The following KRTAP4-12 variants were observed in gnomAD, a reference collection of about 807,000 sequenced individuals.
KRTAP4-12 encodes keratin associated protein 4-12, also known as keratin-associated protein 4-12.
In KRTAP4-12, 1 loss-of-function variant was observed where a neutral mutation model predicts 0.9. The ratio of observed to expected loss-of-function variants is 1.11; its 90% CI spans 0.40 to 5.29. The LOEUF is 5.29. KRTAP4-12 is among the 30% of genes most tolerant of loss of function. The pLI, the probability that KRTAP4-12 is intolerant of heterozygous loss-of-function variation, is 0.16. For missense variants in KRTAP4-12, 240 were observed against 265.6 expected (o/e 0.90, Z 0.67); for synonymous variants, 85 against 94.0 (o/e 0.90, Z 0.55).
In KRTAP4-12 at chr17:41,123,163, A is replaced by C. The variant is rs570034369; in HGVS notation, c.*354T>G. On this transcript the variant is annotated 3_prime_UTR_variant, in exon 1 of 1. Coordinates refer to ENST00000394014, the MANE Select transcript of KRTAP4-12 (RefSeq NM_031854.3). ...CAAGGTACAAAAATGTTTGCAAAAG[A>C]CTTTAAGAGAGAGACTTCACTGGAC... The C allele has an allele frequency of 6.6e-5, 26 of 394,648 alleles. No individual in the cohort carries two copies. The East Asian group carries it at 1.1e-3, about 17-fold the overall frequency. The allele number at this position is 394,648 out of a possible 1,614,324, so 24.4% of individuals were successfully genotyped here.
At position 41,123,557 on chromosome 17, in the gene KRTAP4-12, G is replaced by C. The variant is rs775618535; in HGVS notation, c.566C>G (p.Thr189Ser). The change falls in exon 1 of 1, where the codon ACC (threonine) becomes AGC (serine). Residue 189 changes from threonine to serine, a missense_variant. By Grantham distance (58) the Thr-to-Ser change is moderately conservative. Transcript: ENST00000394014. Reference sequence around the variant, plus strand: ...GGCACAGCACAAGGGGCGGGGGCAGGTGGAGATGACACAGGTTGGGCGATA... The same window carrying C: ...GGCACAGCACAAGGGGCGGGGGCAGCTGGAGATGACACAGGTTGGGCGATA... ...TCYRPTCVIS[T>S]CPRPLCCASS... 1.0e-4 allele frequency: 162 copies of C among 1,613,080 alleles called. No homozygotes were observed. The highest frequency in any genetic ancestry group is 6.2e-4 in the Admixed American group (37 of 59,832).
rs1403341572 is a variant in KRTAP4-12, at chr17:41,123,992, C to G, written c.131G>C (p.Ser44Thr). The change falls in exon 1 of 1, where the codon AGC becomes ACC. Residue 44 changes from serine to threonine, a missense_variant. By Grantham distance (58) the Ser-to-Thr change is moderately conservative. This residue lies in a region of KRTAP4-12 where 110 missense variants were observed against 115.0 expected (regional missense o/e 0.96). Coordinates refer to ENST00000394014, the MANE Select transcript of KRTAP4-12 (RefSeq NM_031854.3). ...TCCRPSCCVS[S>T]CCRPQCCQSV... ...CTGGCAGCACTGGGGCCTGCAGCAG[C>G]TGGACACACAGCAGCTGGGGCGGCA... is the stretch of plus-strand genomic sequence containing the variant. 6.2e-7 allele frequency: 1 copy of G among 1,602,550 alleles called. No homozygotes were observed. Among genetic ancestry groups the G allele is most frequent in the Non-Finnish European group, 8.5e-7 (1 of 1,178,532 alleles).
In KRTAP4-12 at chr17:41,123,195, G is replaced by C. The variant is rs1335632165; in HGVS notation, c.*322C>G. On this transcript the variant is annotated 3_prime_UTR_variant, in exon 1 of 1. Coordinates refer to ENST00000394014, the MANE Select transcript of KRTAP4-12 (RefSeq NM_031854.3). ...GAGAGAGACTTCACTGGACTTCAAGGTTGGAGGCTTTAAGATCTGTGGCCC... is the reference window on the plus strand; with the variant it reads ...GAGAGAGACTTCACTGGACTTCAAGCTTGGAGGCTTTAAGATCTGTGGCCC... The C allele has an allele frequency of 4.0e-6, 2 of 502,526 alleles. No homozygotes were observed. Among genetic ancestry groups the C allele is most frequent in the Admixed American group, 7.6e-5 (2 of 26,410 alleles). 31.1% of individuals were successfully genotyped at this position (502,526 alleles called of 1,614,324 possible). A position where few individuals can be genotyped will look rare whatever the true frequency, so the allele number is the denominator to read the frequency against.
Position 41,123,754 on chromosome 17 carries a change from G to A in KRTAP4-12, c.369C>T (p.Ser123=), listed in dbSNP as rs2014450614. ...TTCCRPSCCV[S]SCCRPQCCQS... ...GGCAGCACTGGGGTCTGCAGCAGCT[G>A]GACACACAGCAGCTGGGGCGGCAGC... The change falls in exon 1 of 1, where the codon TCC becomes TCT. Residue 123 remains serine (S), a synonymous_variant. Transcript: ENST00000394014. 1 of 1,612,122 alleles carries A rather than the reference G, an allele frequency of 6.2e-7. No homozygotes were observed. The highest frequency in any genetic ancestry group is 8.5e-7 in the Non-Finnish European group (1 of 1,179,356).
chr17:41,123,335 A>T lies in KRTAP4-12; in HGVS notation c.*182T>A. 1 of 1,218,970 alleles carries T rather than the reference A, an allele frequency of 8.2e-7. No homozygotes were observed. Among genetic ancestry groups the T allele is most frequent in the Non-Finnish European group, 1.1e-6 (1 of 891,192 alleles). 75.5% of individuals were successfully genotyped at this position (1,218,970 alleles called of 1,614,324 possible). On this transcript the variant is annotated 3_prime_UTR_variant, in exon 1 of 1. Coordinates refer to ENST00000394014, the MANE Select transcript of KRTAP4-12 (RefSeq NM_031854.3). ...TTGTCAATTTATTAGGAGATTGTCA[A>T]TGAATTCCTTTGGAAGGAAGGGAGT...
chr17:41,123,461 A>C lies in KRTAP4-12; in HGVS notation c.*56T>G. ...GAACAGTCCGCATGTTTGCAATGAG[A>C]GCCTTCATCTGTAGGAAAGGACGTA... On this transcript the variant is annotated 3_prime_UTR_variant, in exon 1 of 1. Transcript: ENST00000394014. 6.5e-7 allele frequency: 1 copy of C among 1,542,632 alleles called. No individual in the cohort carries two copies. The highest frequency in any genetic ancestry group is 8.8e-7 in the Non-Finnish European group (1 of 1,142,564).
In KRTAP4-12 at chr17:41,123,924, G is replaced by C. The variant is rs1350999349; in HGVS notation, c.199C>G (p.Gln67Glu). ...CAGGTGGTCCTACAGCAGGTGGTCTGACAGCAGCTGGGGCGGCAGCAGGTG... is the reference window on the plus strand; with the variant it reads ...CAGGTGGTCCTACAGCAGGTGGTCTCACAGCAGCTGGGGCGGCAGCAGGTG... ...QPTCCRPSCC[Q>E]TTCCRTTCCR... The change falls in exon 1 of 1, where the codon CAG becomes GAG. Residue 67 changes from glutamine (Q) to glutamate (E), a missense_variant. This residue lies in a region of KRTAP4-12 where 110 missense variants were observed against 115.0 expected (regional missense o/e 0.96). Coordinates refer to ENST00000394014, the MANE Select transcript of KRTAP4-12 (RefSeq NM_031854.3). 6.4e-6 allele frequency: 10 copies of C among 1,556,930 alleles called. 3 individuals are homozygous for C. In the East Asian group the frequency reaches 1.6e-4, roughly 24 times the overall value.
Position 41,123,927 on chromosome 17 carries a change from A to G in KRTAP4-12, c.196T>C (p.Cys66Arg). 3.8e-6 allele frequency: 6 copies of G among 1,560,178 alleles called. No homozygotes were observed. The highest frequency in any genetic ancestry group is 5.1e-6 in the Non-Finnish European group (6 of 1,171,718). ...GTGGTCCTACAGCAGGTGGTCTGAC[A>G]GCAGCTGGGGCGGCAGCAGGTGGGC... ...CQPTCCRPSC[C>R]QTTCCRTTCC... Residue 66 changes from cysteine to arginine, a missense_variant, in exon 1 of 1, where the codon TGT (cysteine) becomes CGT (arginine). Cys to Arg is a radical substitution (Grantham distance 180, BLOSUM62 -3). Coordinates refer to ENST00000394014, the MANE Select transcript of KRTAP4-12 (RefSeq NM_031854.3).
Position 41,123,459 on chromosome 17 carries a change from A to G in KRTAP4-12, c.*58T>C. 3 of 1,540,306 alleles carry G rather than the reference A, an allele frequency of 1.9e-6. No individual in the cohort carries two copies. The highest frequency in any genetic ancestry group is 2.6e-6 in the Non-Finnish European group (3 of 1,141,486). Reference sequence around the variant, plus strand: ...TTGAACAGTCCGCATGTTTGCAATGAGAGCCTTCATCTGTAGGAAAGGACG... The same window carrying G: ...TTGAACAGTCCGCATGTTTGCAATGGGAGCCTTCATCTGTAGGAAAGGACG... On this transcript the variant is annotated 3_prime_UTR_variant, in exon 1 of 1. Coordinates refer to ENST00000394014, the MANE Select transcript of KRTAP4-12 (RefSeq NM_031854.3).
chr17:41,123,294 G>C lies in KRTAP4-12; in HGVS notation c.*223C>G, dbSNP rs886495933. The stretch of plus-strand genomic sequence containing the variant: ...TGTCCTGAAGTCAAAGAGGTGGGAG[G>C]ATGTTGGAGGACAATTTGTCAATTT... On this transcript the variant is annotated 3_prime_UTR_variant, in exon 1 of 1. Transcript: ENST00000394014. 2 of 879,120 alleles carry C rather than the reference G, an allele frequency of 2.3e-6. No homozygotes were observed. The highest frequency in any genetic ancestry group is 3.4e-5 in the African/African-American group (2 of 58,760). 54.5% of individuals were successfully genotyped at this position (879,120 alleles called of 1,614,324 possible).
chr17:41,123,686 CAG>C lies in KRTAP4-12; in HGVS notation c.435_436del (p.Cys145TrpfsTer12). 6.2e-7 allele frequency: 1 copy of C among 1,612,886 alleles called. No individual in the cohort carries two copies. On this transcript the variant is annotated frameshift_variant, in exon 1 of 1. Coordinates refer to ENST00000394014, the MANE Select transcript of KRTAP4-12 (RefSeq NM_031854.3). LOFTEE classifies it low-confidence loss of function (END_TRUNC). Reference sequence around the variant, plus strand: ...AGAGGGGCAGCAGCTGCTGGAGATGCAGCAGCTGGGGCGGCAGCAGGTGGGCT... The same window carrying C: ...AGAGGGGCAGCAGCTGCTGGAGATGCCAGCTGGGGCGGCAGCAGGTGGGCT...
In KRTAP4-12 at chr17:41,123,476, G is replaced by A; in HGVS notation, c.*41C>T. The A allele has an allele frequency of 6.4e-7, 1 of 1,568,620 alleles. No homozygotes were observed. Among genetic ancestry groups the A allele is most frequent in the East Asian group, 2.3e-5 (1 of 43,270 alleles). On this transcript the variant is annotated 3_prime_UTR_variant, in exon 1 of 1. Coordinates refer to ENST00000394014, the MANE Select transcript of KRTAP4-12 (RefSeq NM_031854.3). ...TTGCAATGAGAGCCTTCATCTGTAG[G>A]AAAGGACGTAATAAGGAAGTGGTGT...
chr17:41,123,303 G>T lies in KRTAP4-12; in HGVS notation c.*214C>A. 1.0e-6 allele frequency: 1 copy of T among 977,372 alleles called. No homozygotes were observed. The highest frequency in any genetic ancestry group is 1.5e-6 in the Non-Finnish European group (1 of 672,678). 60.5% of individuals were successfully genotyped at this position (977,372 alleles called of 1,614,324 possible). ...GTCAAAGAGGTGGGAGGATGTTGGA[G>T]GACAATTTGTCAATTTATTAGGAGA... On this transcript the variant is annotated 3_prime_UTR_variant, in exon 1 of 1. Transcript: ENST00000394014.
At position 41,124,176 on chromosome 17, in the gene KRTAP4-12, G is replaced by A; in HGVS notation, c.-54C>T. 1 of 1,566,034 alleles carries A rather than the reference G, an allele frequency of 6.4e-7. No homozygotes were observed. Among genetic ancestry groups the A allele is most frequent in the Non-Finnish European group, 8.6e-7 (1 of 1,156,404 alleles). On this transcript the variant is annotated 5_prime_UTR_variant, in exon 1 of 1. Transcript: ENST00000394014. ...GTTTCCAGGAGAGTGAGTGTTCTGAGTTTGATCTCTCCTTGTTCTCTCTTT... is the reference window on the plus strand; with the variant it reads ...GTTTCCAGGAGAGTGAGTGTTCTGAATTTGATCTCTCCTTGTTCTCTCTTT...
In KRTAP4-12 at chr17:41,123,328, A is replaced by T; in HGVS notation, c.*189T>A. ...GGACAATTTGTCAATTTATTAGGAG[A>T]TTGTCAATGAATTCCTTTGGAAGGA... On this transcript the variant is annotated 3_prime_UTR_variant, in exon 1 of 1. Transcript: ENST00000394014. 9 of 1,156,016 alleles carry T rather than the reference A, an allele frequency of 7.8e-6. No individual in the cohort carries two copies. The highest frequency in any genetic ancestry group is 1.1e-5 in the Non-Finnish European group (9 of 834,314). 71.6% of individuals were successfully genotyped at this position (1,156,016 alleles called of 1,614,324 possible).
Position 41,123,729 on chromosome 17 carries a change from G to A in KRTAP4-12, c.394C>T (p.Gln132Ter). ...CAGGTGGGCTGGCAGCACACAGACTGGCAGCACTGGGGTCTGCAGCAGCTG... is the reference window on the plus strand; with the variant it reads ...CAGGTGGGCTGGCAGCACACAGACTAGCAGCACTGGGGTCTGCAGCAGCTG... ...VSSCCRPQCC[Q>*]SVCCQPTCCR... The change falls in exon 1 of 1, where the codon CAG becomes TAG. Residue 132 changes from glutamine to a stop codon, truncating the protein, a stop_gained. Coordinates refer to ENST00000394014, the MANE Select transcript of KRTAP4-12 (RefSeq NM_031854.3). LOFTEE classifies it low-confidence loss of function (END_TRUNC). The A allele has an allele frequency of 6.2e-7, 1 of 1,613,100 alleles. No homozygotes were observed. The highest frequency in any genetic ancestry group is 8.5e-7 in the Non-Finnish European group (1 of 1,179,686).
chr17:41,123,555 A>G lies in KRTAP4-12; in HGVS notation c.568T>C (p.Cys190Arg), dbSNP rs769794312. 7 of 1,613,012 alleles carry G rather than the reference A, an allele frequency of 4.3e-6. No individual in the cohort carries two copies. Among genetic ancestry groups the G allele is most frequent in the East Asian group, 2.2e-5 (1 of 44,868 alleles). The change falls in exon 1 of 1, where the codon TGC becomes CGC. Residue 190 changes from cysteine to arginine, a missense_variant. Cys to Arg is a radical substitution (Grantham distance 180). Around this residue, in one of 3 missense-constraint regions of KRTAP4-12, gnomAD observed 119 missense variants for 106.2 expected, o/e 1.12. Transcript: ENST00000394014. Reference protein sequence around the residue: ...CYRPTCVISTCPRPLCCASSC... With the variant: ...CYRPTCVISTRPRPLCCASSC... The stretch of plus-strand genomic sequence containing the variant: ...GAGGCACAGCACAAGGGGCGGGGGC[A>G]GGTGGAGATGACACAGGTTGGGCGA...
chr17:41,123,394 C>G lies in KRTAP4-12; in HGVS notation c.*123G>C. 1 of 1,443,328 alleles carries G rather than the reference C, an allele frequency of 6.9e-7. No homozygotes were observed. Among genetic ancestry groups the G allele is most frequent in the Non-Finnish European group, 9.2e-7 (1 of 1,091,536 alleles). The allele number at this position is 1,443,328 out of a possible 1,614,324, so 89.4% of individuals were successfully genotyped here. On this transcript the variant is annotated 3_prime_UTR_variant, in exon 1 of 1. Coordinates refer to ENST00000394014, the MANE Select transcript of KRTAP4-12 (RefSeq NM_031854.3). Reference sequence around the variant, plus strand: ...AAGGTAGAATGCAAATACAGAATTTCTAAGGATGAGGTTTGCTTATGGGAC... The same window carrying G: ...AAGGTAGAATGCAAATACAGAATTTGTAAGGATGAGGTTTGCTTATGGGAC...
Position 41,123,652 on chromosome 17 carries a change from T to G in KRTAP4-12, c.471A>C (p.Glu157Asp), listed in dbSNP as rs1409998644. The change falls in exon 1 of 1, where the codon GAA (glutamate) becomes GAC (aspartate). Residue 157 changes from glutamate (E) to aspartate (D), a missense_variant. Physicochemically the swap from Glu to Asp is conservative, Grantham distance 45. This residue lies in a region of KRTAP4-12 where 119 missense variants were observed against 106.2 expected (regional missense o/e 1.12). Coordinates refer to ENST00000394014, the MANE Select transcript of KRTAP4-12 (RefSeq NM_031854.3). ...AGCAGCAGGGGCGGCAGCAGCTGGA[T>G]TCACAGCAAGAGGGGCAGCAGCTGC... is the stretch of plus-strand genomic sequence containing the variant. ...ISSSCCPSCCESSCCRPCCCL... is the reference protein window; with the variant it reads ...ISSSCCPSCCDSSCCRPCCCL... 2 of 1,611,704 alleles carry G rather than the reference T, an allele frequency of 1.2e-6. No individual in the cohort carries two copies. Among genetic ancestry groups the G allele is most frequent in the Admixed American group, 3.3e-5 (2 of 59,768 alleles).
Sources: gnomAD v4.1 joint callset for allele counts on GRCh38, gnomAD v4.1.1 for gene constraint, gnomAD v4.1.1 regional missense constraint, MANE v1.5 for transcripts, NCBI Gene and HGNC (gene_info 2026-07-23, HGNC 2026-07-21) for gene names.